Variants in CLNK observed in about 807,000 individuals in gnomAD.
The protein encoded by CLNK is cytokine-dependent hematopoietic cell linker.
A neutral mutation model predicts 68.6 loss-of-function variants in CLNK; 74 were observed. That is an observed-to-expected ratio of 1.08 (90% confidence interval 0.89 to 1.31). The LOEUF (loss-of-function observed/expected upper bound fraction) is 1.31. Among genes scored for constraint, CLNK ranks in the 50% most tolerant of loss-of-function variants. CLNK has a pLI of 0.00. For synonymous variants in CLNK, 198 were observed against 172.2 expected, an observed-to-expected ratio of 1.15 and a Z score of -1.17; for missense variants, 553 against 515.3, an observed-to-expected ratio of 1.07 and a Z score of -0.71.
At chr4:10,636,514 G>T (rs1383971332) in intron 2 of CLNK, among the ~76,000 whole-genome samples, 1 of 152,178 alleles carries the variant, frequency 6.6e-6, no homozygotes, top group African/African-American at 2.4e-5. Context: ...TTCTGTTGTT[G>T]TAGGCCACCC....
intron 2 of CLNK, among the ~76,000 whole-genome samples, chr4:10,629,511 G>A (rs766491034): frequency 3.3e-5 from 5 of 152,172 alleles, no homozygotes; most frequent in Non-Finnish European, 7.3e-5. Flanking sequence ...AGTGGGCACA[G>A]CTGGGGCAGA....
intron 8 of CLNK, among the ~76,000 whole-genome samples, chr4:10,557,117 A>AAATAAATG (rs1323248923): frequency 8.6e-5 from 13 of 151,272 alleles, no homozygotes; most frequent in African/African-American, 2.4e-4. Flanking sequence ...ATAAATAAAT[A>AAATAAATG]AATGGAGAAC....
chr4:10,551,247 C>T (rs193070035), intron 8 of CLNK, among the ~76,000 whole-genome samples: 3 of 151,910 alleles, frequency 2.0e-5, no homozygotes, highest in Admixed American at 1.3e-4. Context: ...TGCAAGACCA[C>T]CCCCCCACTT....
intron 4 of CLNK, among the ~76,000 whole-genome samples, chr4:10,575,445 A>G (rs1430428065): frequency 6.6e-6 from 1 of 152,172 alleles, no homozygotes; most frequent in Non-Finnish European, 1.5e-5. Context: ...TTCCCTGACT[A>G]CCGGTGTCAA....
intron 8 of CLNK, among the ~76,000 whole-genome samples, chr4:10,544,397 A>G (rs959627848): frequency 6.6e-6 from 1 of 152,260 alleles, no homozygotes; most frequent in African/African-American, 2.4e-5. Context: ...TAACACCAAC[A>G]AATAAAGTTG....
intron 2 of CLNK, among the ~76,000 whole-genome samples, chr4:10,610,352 T>C (rs933722076): frequency 4.8e-4 from 73 of 151,234 alleles, no homozygotes; most frequent in African/African-American, 1.5e-3. Context: ...CCCGTTTTTT[T>C]TTTTTCTTTT....
chr4:10,690,198 G>A, the CLNK span, among the ~76,000 whole-genome samples: 3 of 152,070 alleles, frequency 2.0e-5, no homozygotes, highest in East Asian at 5.8e-4. Flanking sequence ...TGTTGGGGTG[G>A]GAGTGTTCCT....
At chr4:10,642,845 T>C (rs765735676) in intron 2 of CLNK, among the ~76,000 whole-genome samples, 11 of 152,264 alleles carry the variant, frequency 7.2e-5, no homozygotes, top group South Asian at 2.1e-4. Flanking sequence ...CTGGGAAGGG[T>C]ATGTAAAATA....
At chr4:10,491,427 A>C (rs79626266) in intron 18 of CLNK, among the ~76,000 whole-genome samples, 34 of 152,336 alleles carry the variant, frequency 2.2e-4, no homozygotes, top group Non-Finnish European at 3.4e-4. Context: ...CCAGTAACGA[A>C]GTCTAAGGAA....
chr4:10,523,834 G>A, intron 14 of CLNK: 1 of 211,780 alleles, frequency 4.7e-6, no homozygotes, highest in Non-Finnish European at 9.8e-6. Flanking sequence ...AGACTAGCCT[G>A]GGCAACATGG....
In CLNK at chr4:10,662,346, T is replaced by A. The variant is rs150378106; in HGVS notation, c.11+5513A>T. Among the ~76,000 whole-genome samples, 652 of 152,340 alleles carry A rather than the reference T, an allele frequency of 4.3e-3. 6 individuals are homozygous for A. Among genetic ancestry groups the A allele is most frequent in the African/African-American group, 0.015 (625 of 41,572 alleles). The stretch of plus-strand genomic sequence containing the variant: ...GATCTAAATCCCCTGGGGCCAGGAA[T>A]TCAGAATATGGTGGATTTTAGAAAA... On this transcript the variant is annotated intron_variant, in intron 2 of 18. Transcript: ENST00000226951.
rs149975569 is a variant in CLNK at position 10,603,731 on chromosome 4, C to T, written c.12-5682G>A. 2.4e-3 allele frequency among the ~76,000 whole-genome samples: 368 copies of T among 152,294 alleles called. 1 individual carries two copies. Among genetic ancestry groups the T allele is most frequent in the African/African-American group, 8.2e-3 (340 of 41,560 alleles). ...CCATGTTGGGGTGGGAAGGCCAGGT[C>T]TATGCACTCCTGGGTGGCCCAGTCA... On this transcript the variant is annotated intron_variant, in intron 2 of 18. Coordinates refer to ENST00000226951, the MANE Select transcript of CLNK (RefSeq NM_052964.4).
chr4:10,564,635 C>A, intron 7 of CLNK, 36 bp downstream of exon 7: 3 of 1,413,648 alleles, frequency 2.1e-6, no homozygotes, highest in Non-Finnish European at 3.0e-6. Flanking sequence ...AAGAGCCCTA[C>A]ACATGTTTGT....
intron 8 of CLNK, among the ~76,000 whole-genome samples, chr4:10,552,099 G>T (rs574633438): frequency 1.3e-5 from 2 of 151,966 alleles, no homozygotes; most frequent in South Asian, 4.2e-4. Flanking sequence ...CTCCTGATCT[G>T]CCCACCTCAG....
chr4:10,696,348 C>T, the CLNK span, among the ~76,000 whole-genome samples: 1 of 152,194 alleles, frequency 6.6e-6, no homozygotes, highest in Non-Finnish European at 1.5e-5. Flanking sequence ...TGCATCTGCT[C>T]CATGTCTACT....
intron 3 of CLNK, among the ~76,000 whole-genome samples, chr4:10,594,740 A>G (rs1207846853): frequency 6.6e-6 from 1 of 152,260 alleles, no homozygotes; most frequent in East Asian, 1.9e-4. Flanking sequence ...GCTGACATAT[A>G]CTTATAAATA....
chr4:10,564,737 C>A lies in CLNK; in HGVS notation c.333G>T (p.Pro111=), dbSNP rs368333254. The change falls in exon 7 of 19, where the codon CCG becomes CCT. Residue 111 remains proline, a synonymous_variant. Transcript: ENST00000226951. ...YFKVAMDTPL[P]LDTRTSISIG... is the part of the protein sequence containing the mutation. ...TGGAGATAGAGGTCCTGGTGTCTAA[C>A]GGAAGGGGAGTGTCCATTGCAACCT... 1 of 1,613,540 alleles carries A rather than the reference C, an allele frequency of 6.2e-7. No homozygotes were observed. The highest frequency in any genetic ancestry group is 8.5e-7 in the Non-Finnish European group (1 of 1,179,648).
the CLNK span, among the ~76,000 whole-genome samples, chr4:10,692,597 G>T: frequency 2.0e-5 from 3 of 152,304 alleles, no homozygotes; most frequent in African/African-American, 4.8e-5. Flanking sequence ...TGCAAAATGT[G>T]GAGGAAAGAA....
At chr4:10,617,457 A>C (rs562339053) in intron 2 of CLNK, among the ~76,000 whole-genome samples, 7 of 152,188 alleles carry the variant, frequency 4.6e-5, no homozygotes, top group Admixed American at 2.6e-4. Flanking sequence ...GTGATATGTA[A>C]CTGTAAGGTA....
Sources: allele counts gnomAD v4.1 joint callset (sites outside exome capture counted in the v4.1 genomes callset), GRCh38; gene constraint gnomAD v4.1.1; transcripts MANE v1.5; gene names NCBI Gene and HGNC (gene_info 2026-07-23, HGNC 2026-07-21).